The following TRPM7 variants were observed in gnomAD, a reference collection of about 807,000 sequenced individuals.
TRPM7 encodes transient receptor potential cation channel subfamily M member 7.
A neutral mutation model predicts 229.7 loss-of-function variants in TRPM7; 134 were observed. The ratio of observed to expected loss-of-function variants is 0.58; its 90% CI spans 0.51 to 0.67. TRPM7 has a LOEUF of 0.67. Among genes scored for constraint, TRPM7 ranks in the 30% least tolerant of loss-of-function variants. The pLI is 0.00. For synonymous variants in TRPM7, 699 were observed against 715.2 expected (o/e 0.98, Z 0.36); for missense variants, 1,901 against 2,210.0 (o/e 0.86, Z 2.80).
intron 9 of TRPM7, among the ~76,000 whole-genome samples, chr15:50,631,994 T>C (rs1462149016): frequency 2.0e-5 from 3 of 152,158 alleles, no homozygotes; most frequent in East Asian, 3.8e-4. Context: ...AATTGTAATT[T>C]AATAACATTT....
chr15:50,657,374 C>G (rs1052333529), intron 3 of TRPM7, among the ~76,000 whole-genome samples: 12 of 152,094 alleles, frequency 7.9e-5, no homozygotes, highest in African/African-American at 2.9e-4. Context: ...TGTACAATAT[C>G]CTTTTAACAT....
At chr15:50,638,371 A>G (rs1209839939) in intron 6 of TRPM7, among the ~76,000 whole-genome samples, 1 of 92,554 alleles carries the variant, frequency 1.1e-5, no homozygotes, top group Admixed American at 1.3e-4. Flanking sequence ...AAAAAAAAAA[A>G]AAAAAAAAAA....
chr15:50,663,105 C>G, intron 1 of TRPM7, 59 bp from the exon 2 acceptor site: 4 of 1,280,898 alleles, frequency 3.1e-6, no homozygotes, highest in South Asian at 1.3e-5. Flanking sequence ...AAGAAGGAAA[C>G]AATTTCATGA....
intron 1 of TRPM7, among the ~76,000 whole-genome samples, chr15:50,682,464 G>C (rs1294423793): frequency 6.6e-6 from 1 of 151,644 alleles, no homozygotes; most frequent in Non-Finnish European, 1.5e-5. Context: ...TGTAATCCCA[G>C]CTACTAGAGG....
intron 4 of TRPM7, among the ~76,000 whole-genome samples, chr15:50,645,254 CT>C (rs2061229149): frequency 6.6e-6 from 1 of 152,226 alleles, no homozygotes; most frequent in Admixed American, 6.5e-5. Context: ...GTTGCCCAGG[CT>C]GGTCTTGAAC....
At position 50,557,695 on chromosome 15, in the gene TRPM7, T is replaced by A. The variant is rs1379996482; in HGVS notation, c.*3983A>T. 6.6e-6 allele frequency: 1 copy of A among 152,294 alleles called. No individual in the cohort carries two copies. Among genetic ancestry groups the A allele is most frequent in the South Asian group, 2.1e-4 (1 of 4,828 alleles). The allele number at this position is 152,294 out of a possible 1,614,324, so 9.4% of individuals were successfully genotyped here. A position where few individuals can be genotyped will look rare whatever the true frequency, so the allele number is the denominator to read the frequency against. On this transcript the variant is annotated 3_prime_UTR_variant, in exon 39 of 39. Transcript: ENST00000646667. ...AGTTCTGCTGTCACCCAGGCTGGAG[T>A]GCAGTGGCAGCAATCTAGGCTCACT...
chr15:50,587,610 C>G (rs929973240), intron 27 of TRPM7, among the ~76,000 whole-genome samples: 1 of 152,074 alleles, frequency 6.6e-6, no homozygotes, highest in African/African-American at 2.4e-5. Context: ...TGGGAAAACT[C>G]TGATGCTTTA....
At position 50,558,731 on chromosome 15, in the gene TRPM7, TA is replaced by T. The variant is rs2053208835; in HGVS notation, c.*2946del. On this transcript the variant is annotated 3_prime_UTR_variant, in exon 39 of 39. Transcript: ENST00000646667. ...TAAATAAAAATGAAAAATAAAAAAA[TA>T]TATATATAAAATTAGGTACGTGTGG... 1 of 103,254 alleles carries T rather than the reference TA, an allele frequency of 9.7e-6. No individual in the cohort carries two copies. Among genetic ancestry groups the T allele is most frequent in the East Asian group, 6.5e-4 (1 of 1,536 alleles). 6.4% of individuals were successfully genotyped at this position (103,254 alleles called of 1,614,324 possible).
Position 50,561,725 on chromosome 15 carries a change from A to C in TRPM7, c.5551T>G (p.Ser1851Ala), listed in dbSNP as rs754776027. ...PSDLNLQPGN[S>A]TKESESTNSV... is the part of the protein sequence containing the mutation. ...TTAGTTGATTCTGATTCTTTGGTGG[A>C]ATTTCCAGGCTGAAGATTCAAATCT... Residue 1851 changes from serine (S) to alanine (A), a missense_variant, in exon 39 of 39, where the codon TCC (serine) becomes GCC (alanine). Physicochemically the swap from Ser to Ala is moderately conservative, Grantham distance 99. Coordinates refer to ENST00000646667, the MANE Select transcript of TRPM7 (RefSeq NM_017672.6). The C allele has an allele frequency of 1.2e-5, 20 of 1,612,648 alleles. No homozygotes were observed. Among genetic ancestry groups the C allele is most frequent in the Non-Finnish European group, 1.6e-5 (19 of 1,179,540 alleles).
chr15:50,671,658 TA>T (rs1269556384), intron 1 of TRPM7, among the ~76,000 whole-genome samples: 3 of 151,904 alleles, frequency 2.0e-5, no homozygotes, highest in African/African-American at 7.3e-5. Flanking sequence ...AAGTTTTTTT[TA>T]ATTAGCCAAG....
intron 28 of TRPM7, among the ~76,000 whole-genome samples, chr15:50,584,613 T>C (rs1241280799): frequency 6.7e-6 from 1 of 148,358 alleles, no homozygotes; most frequent in Admixed American, 6.8e-5. Flanking sequence ...GTTTCAGATT[T>C]CTGTTTTTTT....
intron 27 of TRPM7, among the ~76,000 whole-genome samples, chr15:50,588,945 C>G (rs1172785836): frequency 6.6e-6 from 1 of 152,098 alleles, no homozygotes; most frequent in Non-Finnish European, 1.5e-5. Context: ...GGGTCATGTT[C>G]AAATAAAACT....
At chr15:50,670,217 T>G (rs2140951231) in intron 1 of TRPM7, among the ~76,000 whole-genome samples, 1 of 152,194 alleles carries the variant, frequency 6.6e-6, no homozygotes, top group Non-Finnish European at 1.5e-5. Context: ...ACCCTTAGGA[T>G]GAAGGATTCT....
At chr15:50,607,534 T>A (rs532538908) in intron 19 of TRPM7, among the ~76,000 whole-genome samples, 1 of 152,208 alleles carries the variant, frequency 6.6e-6, no homozygotes, top group Non-Finnish European at 1.5e-5. Context: ...CCCCAGAGTA[T>A]AAACGTGTTG....
At chr15:50,667,539 C>T (rs968433733) in intron 1 of TRPM7, among the ~76,000 whole-genome samples, 5 of 152,140 alleles carry the variant, frequency 3.3e-5, no homozygotes, top group Admixed American at 1.3e-4. Context: ...AACCCCACCT[C>T]TACTAAAAAT....
chr15:50,679,526 A>AT (rs1567129372), intron 1 of TRPM7, among the ~76,000 whole-genome samples: 16 of 46,188 alleles, frequency 3.5e-4, no homozygotes, highest in African/African-American at 1.1e-3. Flanking sequence ...ATATATATAT[A>AT]TATATATATA....
At chr15:50,582,878 T>C in intron 29 of TRPM7, 1 of 325,484 alleles carries the variant, frequency 3.1e-6, no homozygotes, top group Non-Finnish European at 5.7e-6. Flanking sequence ...AAGAGATTCC[T>C]GCCTTTATTC....
At chr15:50,674,046 T>A (rs2062045394) in intron 1 of TRPM7, among the ~76,000 whole-genome samples, 1 of 152,212 alleles carries the variant, frequency 6.6e-6, no homozygotes, top group South Asian at 2.1e-4. Context: ...TGGAGGGCAA[T>A]GGCATGATCT....
At chr15:50,568,575 T>C (rs1336545168) in intron 38 of TRPM7, among the ~76,000 whole-genome samples, 2 of 152,186 alleles carry the variant, frequency 1.3e-5, no homozygotes, top group Non-Finnish European at 2.9e-5. Flanking sequence ...CATTAAGTCC[T>C]CAAAAACTCC....
Sources: gnomAD v4.1 joint callset for allele counts (sites outside exome capture counted in the v4.1 genomes callset) on GRCh38, gnomAD v4.1.1 for gene constraint, MANE v1.5 for transcripts, NCBI Gene and HGNC (gene_info 2026-07-23, HGNC 2026-07-21) for gene names.